The following USH2A variants were observed in gnomAD, a reference collection of about 807,000 sequenced individuals.
USH2A encodes Usher syndrome 2A (autosomal recessive, mild).
In USH2A, 443 loss-of-function variants were observed where a neutral mutation model predicts 538.9. That is an observed-to-expected ratio of 0.82 (90% CI 0.76 to 0.89). The LOEUF (loss-of-function observed/expected upper bound fraction) is 0.89, where lower values mean the gene tolerates loss of function less well. Among genes scored for constraint, USH2A ranks in the 40% least tolerant of loss-of-function variants. USH2A has a pLI of 0.00. For synonymous variants in USH2A, 2,413 were observed against 2,273.5 expected (o/e 1.06, Z -1.75); for missense variants, 6,633 against 6,324.8 (o/e 1.05, Z -1.65).
chr1:215,750,923 A>G (rs900949764), intron 58 of USH2A, among the ~76,000 whole-genome samples: 1 of 152,222 alleles, frequency 6.6e-6, no homozygotes, highest in Non-Finnish European at 1.5e-5. Flanking sequence ...ATTAAAGCTC[A>G]GTAATGAAAG....
At chr1:215,715,393 A>G (rs1306422025) in intron 61 of USH2A, among the ~76,000 whole-genome samples, 1 of 152,208 alleles carries the variant, frequency 6.6e-6, no homozygotes, top group African/African-American at 2.4e-5. Context: ...TTTAGAATTC[A>G]TTAGCTGTCT....
chr1:216,325,192 T>C, intron 6 of USH2A, 113 bp downstream of exon 6: 1 of 1,199,946 alleles, frequency 8.3e-7, no homozygotes, highest in Non-Finnish European at 1.2e-6. Flanking sequence ...TTCATATTTC[T>C]GATCTCCAGA....
At chr1:216,372,746 C>T (rs553814668) in intron 3 of USH2A, among the ~76,000 whole-genome samples, 29 of 152,118 alleles carry the variant, frequency 1.9e-4, no homozygotes, top group Non-Finnish European at 3.7e-4. Context: ...AGGGAGAGTT[C>T]CAGCTGGTTT....
chr1:216,202,441 T>A (rs2035020708), intron 16 of USH2A, among the ~76,000 whole-genome samples: 1 of 152,196 alleles, frequency 6.6e-6, no homozygotes, highest in African/African-American at 2.4e-5. Flanking sequence ...TTTGAAAGGG[T>A]ATGAATAGGA....
At chr1:216,118,186 T>G (rs1257877984) in intron 21 of USH2A, among the ~76,000 whole-genome samples, 1 of 152,168 alleles carries the variant, frequency 6.6e-6, no homozygotes, top group Non-Finnish European at 1.5e-5. Context: ...ATGAGTTAAA[T>G]ACATGAAAAG....
chr1:215,994,528 A>G (rs1014435010), intron 34 of USH2A, among the ~76,000 whole-genome samples: 8 of 152,168 alleles, frequency 5.3e-5, no homozygotes, highest in Non-Finnish European at 1.2e-4. Context: ...GACTATAGCA[A>G]TAGCCCATGT....
At chr1:216,245,438 A>T (rs560615634) in intron 13 of USH2A, among the ~76,000 whole-genome samples, 1 of 151,200 alleles carries the variant, frequency 6.6e-6, no homozygotes, top group African/African-American at 2.4e-5. Context: ...CCATATACCC[A>T]TGTAGAGAAA....
intron 22 of USH2A, among the ~76,000 whole-genome samples, chr1:216,090,657 C>T (rs568388194): frequency 6.6e-6 from 1 of 152,240 alleles, no homozygotes; most frequent in South Asian, 2.1e-4. Flanking sequence ...ATTTTACAAA[C>T]ACACATTTCA....
chr1:215,997,105 A>G (rs1478180517), intron 34 of USH2A, among the ~76,000 whole-genome samples: 1 of 152,158 alleles, frequency 6.6e-6, no homozygotes, highest in Non-Finnish European at 1.5e-5. Context: ...TAATCCCTCA[A>G]TTAACCAGGA....
chr1:215,808,666 A>G (rs1286402650), intron 49 of USH2A, among the ~76,000 whole-genome samples: 2 of 152,110 alleles, frequency 1.3e-5, no homozygotes, highest in Non-Finnish European at 2.9e-5. Context: ...TGTCATGTAA[A>G]TGCAGTCTCA....
chr1:215,730,852 T>C (rs1261644700), intron 60 of USH2A, among the ~76,000 whole-genome samples: 1 of 152,118 alleles, frequency 6.6e-6, no homozygotes. Flanking sequence ...TCAGTGAAGG[T>C]TTGCAGGGTT....
intron 38 of USH2A, among the ~76,000 whole-genome samples, chr1:215,920,020 A>G (rs540187379): frequency 6.6e-6 from 1 of 152,184 alleles, no homozygotes; most frequent in African/African-American, 2.4e-5. Flanking sequence ...GGTACAAAGT[A>G]CACAGTTCAT....
chr1:215,932,841 A>G (rs141070707), intron 38 of USH2A, among the ~76,000 whole-genome samples: 7 of 152,182 alleles, frequency 4.6e-5, no homozygotes, highest in East Asian at 1.9e-4. Flanking sequence ...TGACTGCACC[A>G]CTATAAAACA....
At chr1:216,250,807 A>T in intron 12 of USH2A, 96 bp downstream of exon 12, 1 of 1,369,146 alleles carries the variant, frequency 7.3e-7, no homozygotes, top group South Asian at 1.2e-5. Context: ...TCTTGAGCAA[A>T]GAAATTTGCT....
Position 216,319,636 on chromosome 1 carries a change from TAGAA to T in USH2A, c.1644+2243_1644+2246del, listed in dbSNP as rs547057849. 6.6e-5 allele frequency among the ~76,000 whole-genome samples: 10 copies of T among 152,162 alleles called. No homozygotes were observed. In the South Asian group the frequency reaches 1.0e-3, roughly 16 times the overall value. On this transcript the variant is annotated intron_variant, in intron 9 of 71. Coordinates refer to ENST00000307340, the MANE Select transcript of USH2A (RefSeq NM_206933.4). ...ACATGAAAGTTTTGGTCTGAGCACA[TAGAA>T]AGAAAGAAAGAAAGTAGGCCATAAC...
rs1352188508 is a variant in USH2A at position 215,674,120 on chromosome 1, G to A, written c.13791C>T (p.Asn4597=). 1.9e-6 allele frequency: 3 copies of A among 1,614,048 alleles called. No individual in the cohort carries two copies. Among genetic ancestry groups the A allele is most frequent in the South Asian group, 1.1e-5 (1 of 91,048 alleles). ...NSFGMQSYIV[N]QLKPFHRYEI... ...CCTACCTGTGAAATGGCTTCAGCTG[G>A]TTTACTATATATGACTGCATACCAA... is the stretch of plus-strand genomic sequence containing the variant. The change falls in exon 63 of 72, where the codon AAC becomes AAT. Residue 4597 remains asparagine (N), a synonymous_variant. Coordinates refer to ENST00000307340, the MANE Select transcript of USH2A (RefSeq NM_206933.4).
In USH2A at chr1:215,634,682, C is replaced by G. The variant is rs756803628; in HGVS notation, c.15074G>C (p.Gly5025Ala). Residue 5025 changes from glycine (G) to alanine (A), a missense_variant, in exon 70 of 72, where the codon GGG becomes GCG. Coordinates refer to ENST00000307340, the MANE Select transcript of USH2A (RefSeq NM_206933.4). ...TTTGCTCCGCGATCCCTTCTTTTTCCCAGGAGTTGTTAGGACCAAGCCTGC... is the reference window on the plus strand; with the variant it reads ...TTTGCTCCGCGATCCCTTCTTTTTCGCAGGAGTTGTTAGGACCAAGCCTGC... Reference protein sequence around the residue: ...TGLGLVLTTPGKKKGSRSKST... With the variant: ...TGLGLVLTTPAKKKGSRSKST... 2.5e-6 allele frequency: 4 copies of G among 1,614,074 alleles called. No individual in the cohort carries two copies. Among genetic ancestry groups the G allele is most frequent in the Non-Finnish European group, 3.4e-6 (4 of 1,180,046 alleles).
chr1:216,264,687 C>T (rs149745264), intron 11 of USH2A, among the ~76,000 whole-genome samples: 26 of 152,210 alleles, frequency 1.7e-4, no homozygotes, highest in Middle Eastern at 3.4e-3. Flanking sequence ...TACTACAAAG[C>T]TATACAGCAT....
intron 13 of USH2A, among the ~76,000 whole-genome samples, chr1:216,233,685 T>G (rs2102525278): frequency 6.6e-6 from 1 of 152,254 alleles, no homozygotes; most frequent in African/African-American, 2.4e-5. Flanking sequence ...CTCATATTTT[T>G]TTTCTTATGG....
Sources: allele counts gnomAD v4.1 joint callset (sites outside exome capture counted in the v4.1 genomes callset), GRCh38; gene constraint gnomAD v4.1.1; transcripts MANE v1.5; gene names NCBI Gene and HGNC (gene_info 2026-07-23, HGNC 2026-07-21).